The following SEMA4F variants were observed in gnomAD, a reference collection of about 807,000 sequenced individuals.
The protein encoded by SEMA4F is semaphorin-4F.
SEMA4F carries 51 observed loss-of-function variants against 78.4 expected under a neutral mutation model. That is an observed-to-expected ratio of 0.65 (90% CI 0.52 to 0.82). SEMA4F has a LOEUF of 0.82. Among genes scored for constraint, SEMA4F ranks in the 40% least tolerant of loss-of-function variants. The probability of loss-of-function intolerance (pLI) is 0.00; values close to 1 mark genes in which losing one functional copy is unlikely to be tolerated. For synonymous variants in SEMA4F, 418 were observed against 408.7 expected (o/e 1.02, Z -0.27); for missense variants, 938 against 1,014.4 (o/e 0.92, Z 1.02).
Position 74,679,828 on chromosome 2 carries a change from G to A in SEMA4F, c.1932G>A (p.Leu644=), listed in dbSNP as rs1420419443. The A allele has an allele frequency of 6.2e-7, 1 of 1,614,184 alleles. No individual in the cohort carries two copies. ...CCCATGTGGTAGCAGCTTACAGCTT[G>A]GTATGGGGCAGCCAGCGAGATGCTC... is the stretch of plus-strand genomic sequence containing the variant. ...GAAHVVAAYS[L]VWGSQRDAPS... Residue 644 remains leucine (L), a synonymous_variant, in exon 14 of 14, where the codon TTG becomes TTA. Transcript: ENST00000357877.
At chr2:74,689,986 T>A in the SEMA4F span, among the ~76,000 whole-genome samples, 9 of 152,228 alleles carry the variant, frequency 5.9e-5, no homozygotes, top group Non-Finnish European at 1.3e-4. Context: ...CTTGCAGCAG[T>A]CTTCCCTCCT....
At chr2:74,662,966 T>C (rs980203581) in intron 5 of SEMA4F, 141 bp downstream of exon 5, 6 of 738,530 alleles carry the variant, frequency 8.1e-6, no homozygotes, top group South Asian at 6.7e-5. Flanking sequence ...TGTTCTTCCC[T>C]GAGTGCCTGT....
At chr2:74,671,584 G>A (rs1684993268) in intron 5 of SEMA4F, among the ~76,000 whole-genome samples, 1 of 152,086 alleles carries the variant, frequency 6.6e-6, no homozygotes, top group Non-Finnish European at 1.5e-5. Flanking sequence ...CTTTTTCCTG[G>A]GCTATGACTT....
the SEMA4F span, among the ~76,000 whole-genome samples, chr2:74,698,068 G>A: frequency 2.0e-5 from 3 of 152,188 alleles, no homozygotes; most frequent in Non-Finnish European, 4.4e-5. Context: ...CCAGGTACCT[G>A]CAAGATGGCC....
At chr2:74,669,087 C>A (rs868622188) in intron 5 of SEMA4F, among the ~76,000 whole-genome samples, 3 of 151,752 alleles carry the variant, frequency 2.0e-5, no homozygotes, top group Non-Finnish European at 2.9e-5. Context: ...ATACTGAGAC[C>A]CTGTTGTTAA....
rs748414226 is a variant in SEMA4F at position 74,654,488 on chromosome 2, C to G, written c.112C>G (p.Arg38Gly). Residue 38 changes from arginine to glycine, a missense_variant, in exon 1 of 14, where the codon CGC (arginine) becomes GGC (glycine). By Grantham distance (125) the Arg-to-Gly change is moderately radical. Transcript: ENST00000357877. ...LSGPVSGRVPRSVPRTSLPIS... is the reference protein window; with the variant it reads ...LSGPVSGRVPGSVPRTSLPIS... Reference sequence around the variant, plus strand: ...CGGCCCGGTATCCGGCCGCGTCCCCCGCTCGGTGCCCAGAACCTCGCTTCC... The same window carrying G: ...CGGCCCGGTATCCGGCCGCGTCCCCGGCTCGGTGCCCAGAACCTCGCTTCC... The G allele has an allele frequency of 3.2e-6, 5 of 1,575,854 alleles. No individual in the cohort carries two copies. The African/African-American group carries it at 5.6e-5, about 18-fold the overall frequency.
chr2:74,669,366 A>T (rs962371989), intron 5 of SEMA4F, among the ~76,000 whole-genome samples: 1 of 152,030 alleles, frequency 6.6e-6, no homozygotes, highest in African/African-American at 2.4e-5. Flanking sequence ...TGGGCAGATC[A>T]TGAGGTCAGG....
chr2:74,687,171 A>G (rs1573280273), downstream of SEMA4F, among the ~76,000 whole-genome samples: 1 of 152,274 alleles, frequency 6.6e-6, no homozygotes, highest in South Asian at 2.1e-4. Context: ...CTCAGGAGCA[A>G]CAGCCACACC....
intron 4 of SEMA4F, among the ~76,000 whole-genome samples, chr2:74,660,604 C>A (rs570970165): frequency 1.3e-5 from 2 of 152,334 alleles, no homozygotes; most frequent in South Asian, 2.1e-4. Context: ...AATGAAGAAT[C>A]TCAACATTCA....
intron 2 of SEMA4F, among the ~76,000 whole-genome samples, chr2:74,657,145 A>G (rs1684192873): frequency 6.6e-6 from 1 of 152,168 alleles, no homozygotes; most frequent in African/African-American, 2.4e-5. Flanking sequence ...TGGATTTTGG[A>G]TTTTCAAATT....
the SEMA4F span, among the ~76,000 whole-genome samples, chr2:74,702,242 A>G: frequency 1.3e-5 from 2 of 152,300 alleles, no homozygotes; most frequent in Non-Finnish European, 2.9e-5. Context: ...AACTGTTTAC[A>G]GAACATCTGC....
At chr2:74,656,772 A>G in intron 2 of SEMA4F, 87 bp downstream of exon 2, 1 of 1,396,618 alleles carries the variant, frequency 7.2e-7, no homozygotes, top group South Asian at 1.3e-5. Context: ...GGATTTCATA[A>G]TAACTAAAGA....
intron 5 of SEMA4F, among the ~76,000 whole-genome samples, chr2:74,666,186 G>A (rs1380298410): frequency 1.3e-5 from 2 of 152,160 alleles, no homozygotes; most frequent in African/African-American, 4.8e-5. Context: ...GATTACAGGC[G>A]TGAGCCACTG....
In SEMA4F at chr2:74,656,661, C is replaced by G. The variant is rs773004290; in HGVS notation, c.273C>G (p.Pro91=). Reference sequence around the variant, plus strand: ...ACACCATCTTCGCTTTATCCCTGCCCTTCTCAGGGGAGAGACCCCGCAGGG... The same window carrying G: ...ACACCATCTTCGCTTTATCCCTGCCGTTCTCAGGGGAGAGACCCCGCAGGG... ...ARDTIFALSL[P]FSGERPRRID... is the part of the protein sequence containing the mutation. The change falls in exon 2 of 14, where the codon CCC becomes CCG. Residue 91 remains proline (P), a synonymous_variant. Coordinates refer to ENST00000357877, the MANE Select transcript of SEMA4F (RefSeq NM_004263.5). 1.2e-6 allele frequency: 2 copies of G among 1,614,190 alleles called. No individual in the cohort carries two copies. Among genetic ancestry groups the G allele is most frequent in the Non-Finnish European group, 1.7e-6 (2 of 1,180,040 alleles).
downstream of SEMA4F, among the ~76,000 whole-genome samples, chr2:74,688,483 T>C (rs1685862145): frequency 6.6e-6 from 1 of 152,088 alleles, no homozygotes; most frequent in Admixed American, 6.6e-5. Context: ...AGTAACAGGC[T>C]AACATTACAA....
chr2:74,700,409 T>G, the SEMA4F span, among the ~76,000 whole-genome samples: 1 of 152,110 alleles, frequency 6.6e-6, no homozygotes, highest in African/African-American at 2.4e-5. Flanking sequence ...TGACCCTGAG[T>G]AGCACCATGG....
At chr2:74,686,139 A>T (rs1685818484), downstream of SEMA4F, among the ~76,000 whole-genome samples, 1 of 150,764 alleles carries the variant, frequency 6.6e-6, no homozygotes, top group South Asian at 2.1e-4. Flanking sequence ...TTGCTGTGTC[A>T]CCCAGGCAGG....
At chr2:74,675,103 G>A in intron 9 of SEMA4F, 59 bp from the exon 10 acceptor site, 5 of 1,613,394 alleles carry the variant, frequency 3.1e-6, no homozygotes, top group Middle Eastern at 1.6e-4. Context: ...GCCCCACTAA[G>A]CATCACTGGC....
In SEMA4F at chr2:74,675,760, G is replaced by T. The variant is rs774992702; in HGVS notation, c.1494G>T (p.Leu498=). The T allele has an allele frequency of 6.2e-7, 1 of 1,613,980 alleles. No individual in the cohort carries two copies. Among genetic ancestry groups the T allele is most frequent in the South Asian group, 1.1e-5 (1 of 91,068 alleles). ...CTCCGTTTTTATAGAGCTGGCTCCT[G>T]GTTGGCTCCCGTACTGAGGTGACAC... ...ENMKLYHSWL[L]VGSRTEVTQV... The change falls in exon 12 of 14, where the codon CTG becomes CTT. Residue 498 remains leucine, a synonymous_variant. Coordinates refer to ENST00000357877, the MANE Select transcript of SEMA4F (RefSeq NM_004263.5).
Sources: gnomAD v4.1 joint callset for allele counts (sites outside exome capture counted in the v4.1 genomes callset) on GRCh38, gnomAD v4.1.1 for gene constraint, MANE v1.5 for transcripts, NCBI Gene and HGNC (gene_info 2026-07-23, HGNC 2026-07-21) for gene names.